Variants in IFNG-AS1 observed in about 807,000 individuals in gnomAD.
IFNG-AS1 encodes IFNG antisense RNA 1 (non-protein coding).
intron 2 of IFNG-AS1, chr12:68,001,544 G>C (rs1879770214): frequency 4.8e-6 from 1 of 207,110 alleles, no homozygotes; most frequent in Admixed American, 4.6e-5. Flanking sequence ...CTTGCGAGCA[G>C]ACATAGTGAG....
chr12:68,009,491 G>A (rs1456353509), intron 3 of IFNG-AS1, among the ~76,000 whole-genome samples: 2 of 152,020 alleles, frequency 1.3e-5, no homozygotes, highest in South Asian at 2.1e-4. Flanking sequence ...ACAGGCGCCC[G>A]CCACCACGCC....
intron 2 of IFNG-AS1, among the ~76,000 whole-genome samples, chr12:68,005,493 A>G (rs10878723): frequency 0.3 from 45,531 of 152,168 alleles, 7,080 homozygotes; most frequent in South Asian, 0.34. Flanking sequence ...AAAAAAACCC[A>G]AAAACGAAAC....
intron 1 of IFNG-AS1, among the ~76,000 whole-genome samples, chr12:67,995,441 G>A (rs1239429944): frequency 7.4e-6 from 1 of 135,012 alleles, no homozygotes; most frequent in Admixed American, 7.5e-5. Context: ...AAAAAAAAAG[G>A]GCCGCGCACT....
intron 1 of IFNG-AS1, among the ~76,000 whole-genome samples, chr12:67,992,467 CAT>C (rs1879539208): frequency 6.6e-6 from 1 of 152,192 alleles, no homozygotes; most frequent in African/African-American, 2.4e-5. Flanking sequence ...TTGGAGGACA[CAT>C]ATACTGTTAG....
chr12:68,003,621 G>A (rs2120442500), intron 2 of IFNG-AS1, among the ~76,000 whole-genome samples: 1 of 152,166 alleles, frequency 6.6e-6, no homozygotes, highest in South Asian at 2.1e-4. Flanking sequence ...AAAGCTTACA[G>A]AATCCGTATT....
chr12:67,994,961 G>A (rs1229414804), intron 1 of IFNG-AS1, among the ~76,000 whole-genome samples: 1 of 152,188 alleles, frequency 6.6e-6, no homozygotes, highest in Non-Finnish European at 1.5e-5. Context: ...TTCATAAATT[G>A]TATATAATAT....
chr12:67,993,162 T>A (rs1879554666), intron 1 of IFNG-AS1, among the ~76,000 whole-genome samples: 1 of 152,198 alleles, frequency 6.6e-6, no homozygotes, highest in African/African-American at 2.4e-5. Context: ...AGAAAAGAAT[T>A]TCTTTTTCTT....
intron 3 of IFNG-AS1, among the ~76,000 whole-genome samples, chr12:68,011,803 C>A (rs1034973644): frequency 6.6e-6 from 1 of 152,104 alleles, no homozygotes; most frequent in Admixed American, 6.5e-5. Flanking sequence ...CCCAACCTTA[C>A]GGGAGCCAAA....
chr12:68,003,824 G>A (rs1010432200), intron 2 of IFNG-AS1, among the ~76,000 whole-genome samples: 1 of 151,316 alleles, frequency 6.6e-6, no homozygotes, highest in African/African-American at 2.4e-5. Context: ...GGAGAATGAC[G>A]TGAACCTGGG....
At chr12:68,015,386 A>T (rs1880127477) in intron 3 of IFNG-AS1, among the ~76,000 whole-genome samples, 1 of 152,202 alleles carries the variant, frequency 6.6e-6, no homozygotes, top group Non-Finnish European at 1.5e-5. Flanking sequence ...AAGGGCCGAG[A>T]CAAGATCCCA....
chr12:68,006,655 T>G (rs1879912090), intron 3 of IFNG-AS1, among the ~76,000 whole-genome samples: 1 of 152,250 alleles, frequency 6.6e-6, no homozygotes, highest in African/African-American at 2.4e-5. Flanking sequence ...AAGATTATAC[T>G]TGCTGGATCT....
At chr12:68,015,130 TC>T (rs1484951857) in intron 3 of IFNG-AS1, among the ~76,000 whole-genome samples, 1 of 151,902 alleles carries the variant, frequency 6.6e-6, no homozygotes, top group Non-Finnish European at 1.5e-5. Flanking sequence ...AAAACACCAA[TC>T]AAAAACACCG....
At chr12:68,018,056 G>A (rs1049055843) in intron 3 of IFNG-AS1, among the ~76,000 whole-genome samples, 2 of 151,944 alleles carry the variant, frequency 1.3e-5, no homozygotes, top group African/African-American at 4.8e-5. Context: ...TTTTCTATTT[G>A]TTATTCAGAG....
intron 2 of IFNG-AS1, among the ~76,000 whole-genome samples, chr12:67,998,201 A>AT (rs1425227758): frequency 6.7e-6 from 1 of 149,670 alleles, no homozygotes; most frequent in East Asian, 1.9e-4. Context: ...TAATTGTGAC[A>AT]TTGTTGTTAT....
At chr12:68,018,666 C>T (rs1592831465) in intron 3 of IFNG-AS1, among the ~76,000 whole-genome samples, 2 of 152,078 alleles carry the variant, frequency 1.3e-5, no homozygotes. Flanking sequence ...CTTCCTTCAC[C>T]CCTCAATGCA....
At chr12:68,019,321 A>G (rs932869574) in intron 3 of IFNG-AS1, among the ~76,000 whole-genome samples, 3 of 152,186 alleles carry the variant, frequency 2.0e-5, no homozygotes, top group African/African-American at 7.2e-5. Context: ...GCATGTATCA[A>G]CTTATTGAAG....
intron 3 of IFNG-AS1, among the ~76,000 whole-genome samples, chr12:68,019,239 A>G (rs1300009401): frequency 1.3e-5 from 2 of 152,152 alleles, no homozygotes; most frequent in African/African-American, 4.8e-5. Context: ...AAAGTTAATA[A>G]TGATGACAAT....
intron 3 of IFNG-AS1, among the ~76,000 whole-genome samples, chr12:68,009,779 A>G (rs1003080600): frequency 6.6e-6 from 1 of 152,146 alleles, no homozygotes; most frequent in Admixed American, 6.5e-5. Context: ...TGGCTCCCCA[A>G]TCCCTAGGCT....
rs528200112 is a variant in IFNG-AS1, at chr12:68,010,539, T to A, written n.241+4393T>A. 9.2e-5 allele frequency among the ~76,000 whole-genome samples: 14 copies of A among 152,332 alleles called. No homozygotes were observed. The East Asian group carries it at 2.7e-3, about 29-fold the overall frequency. On this transcript the variant is annotated intron_variant and non_coding_transcript_variant, in intron 3 of 5. Transcript: ENST00000536914. ...TCTGTGCTGTCCTCCCCGGTAAGCA[T>A]CTCATAACATGCTGCCTTCCATCTG...
Sources: allele counts gnomAD v4.1 joint callset (sites outside exome capture counted in the v4.1 genomes callset), GRCh38; gene constraint gnomAD v4.1.1; transcripts MANE v1.5; gene names NCBI Gene and HGNC (gene_info 2026-07-23, HGNC 2026-07-21).